DMD: variants seen among roughly 807,000 people sequenced by gnomAD.
The protein encoded by DMD is mutant dystrophin.
Under a neutral mutation model 330.1 loss-of-function variants are expected in DMD, and 63 were observed. That is an observed-to-expected ratio of 0.19 (90% CI 0.16 to 0.24). DMD has a LOEUF of 0.24. Ranked by LOEUF, DMD falls within the 10% of genes least tolerant of loss-of-function variation. DMD has a pLI of 1.00. For missense variants in DMD, 3,344 were observed against 2,684.1 expected, an observed-to-expected ratio of 1.25 and a Z score of -5.43; for synonymous variants, 1,223 against 959.8, an observed-to-expected ratio of 1.27 and a Z score of -5.07.
intron 63 of DMD, among the ~76,000 whole-genome samples, chrX:31,229,687 A>C (rs764894431): frequency 3.6e-5 from 4 of 112,082 alleles, no homozygotes; most frequent in Non-Finnish European, 7.5e-5. Flanking sequence ...TACAATACGC[A>C]TTGAACTACT....
chrX:32,398,040 A>T (rs971186487), intron 30 of DMD, among the ~76,000 whole-genome samples: 1 of 111,228 alleles, frequency 9.0e-6, no homozygotes, highest in Non-Finnish European at 1.9e-5. Context: ...TGCTATTTTC[A>T]AGAAAGGGAA....
intron 7 of DMD, among the ~76,000 whole-genome samples, chrX:32,731,064 C>T (rs995186500): frequency 2.2e-4 from 24 of 111,282 alleles, no homozygotes; most frequent in African/African-American, 5.9e-4. Flanking sequence ...GCACCGTGCG[C>T]GACCCGAAGC....
At chrX:32,397,308 A>T (rs1445661158) in intron 30 of DMD, among the ~76,000 whole-genome samples, 1 of 111,639 alleles carries the variant, frequency 9.0e-6, no homozygotes, top group Admixed American at 9.5e-5. Flanking sequence ...ATTCTTGTGA[A>T]ATTATCAGCC....
chrX:33,125,665 C>G (rs1227295374), intron 1 of DMD, among the ~76,000 whole-genome samples: 1 of 111,471 alleles, frequency 9.0e-6, no homozygotes, highest in African/African-American at 3.3e-5. Context: ...TAAAGACGTT[C>G]TAATTTTTTA....
intron 60 of DMD, among the ~76,000 whole-genome samples, chrX:31,406,479 A>G (rs1411282628): frequency 1.8e-5 from 2 of 111,612 alleles, no homozygotes; most frequent in Non-Finnish European, 3.8e-5. Context: ...GGAAGGCTCC[A>G]TGATACAGCA....
At chrX:32,629,805 A>G (rs1170455543) in intron 11 of DMD, among the ~76,000 whole-genome samples, 1 of 110,474 alleles carries the variant, frequency 9.1e-6, no homozygotes, top group Non-Finnish European at 1.9e-5. Context: ...AAACTAAAAA[A>G]AAAAAAAATG....
At chrX:32,878,977 T>C (rs2083619187) in intron 2 of DMD, among the ~76,000 whole-genome samples, 1 of 97,573 alleles carries the variant, frequency 1.0e-5, no homozygotes, top group African/African-American at 3.8e-5. Context: ...CACTGCACTC[T>C]AGCCTAGGCG....
intron 9 of DMD, among the ~76,000 whole-genome samples, chrX:32,656,439 AT>A (rs1320106782): frequency 8.9e-6 from 1 of 111,996 alleles, no homozygotes; most frequent in African/African-American, 3.2e-5. Context: ...AAACAAACTC[AT>A]TTTTTAGTTC....
At chrX:31,168,480 C>T (rs901559200) in intron 74 of DMD, among the ~76,000 whole-genome samples, 2 of 111,312 alleles carry the variant, frequency 1.8e-5, no homozygotes, top group Admixed American at 9.6e-5. Flanking sequence ...CTAGAAGGCT[C>T]GCAGTGGCAG....
chrX:32,384,929 T>A (rs1473845476), intron 33 of DMD, among the ~76,000 whole-genome samples: 1 of 111,483 alleles, frequency 9.0e-6, no homozygotes, highest in Admixed American at 9.6e-5. Context: ...TGGAAAGATA[T>A]CCCATATTCA....
intron 9 of DMD, among the ~76,000 whole-genome samples, chrX:32,692,340 T>G (rs2063338549): frequency 8.9e-6 from 1 of 112,009 alleles, no homozygotes; most frequent in African/African-American, 3.2e-5. Flanking sequence ...CTGGGTAATT[T>G]GTTCAGTCAC....
chrX:33,203,230 A>G (rs2051379507), intron 1 of DMD, among the ~76,000 whole-genome samples: 1 of 112,053 alleles, frequency 8.9e-6, no homozygotes, highest in Admixed American at 9.5e-5. Context: ...ATAACTATGC[A>G]ATTCTGTATT....
chrX:31,660,465 A>AG (rs1296315051), intron 53 of DMD, among the ~76,000 whole-genome samples: 1 of 112,169 alleles, frequency 8.9e-6, no homozygotes, highest in Non-Finnish European at 1.9e-5. Context: ...AAGAACATGT[A>AG]ATTGGCCCTT....
chrX:33,133,005 A>T (rs1192625745), intron 1 of DMD, among the ~76,000 whole-genome samples: 1 of 112,106 alleles, frequency 8.9e-6, no homozygotes, highest in Non-Finnish European at 1.9e-5. Flanking sequence ...AAATTAAATC[A>T]AATGATGCAT....
At chrX:32,868,402 G>C (rs902935677) in intron 2 of DMD, among the ~76,000 whole-genome samples, 11 of 111,368 alleles carry the variant, frequency 9.9e-5, no homozygotes, top group African/African-American at 3.6e-4. Flanking sequence ...GCTCTCCCGG[G>C]GAGGGGCGGC....
intron 63 of DMD, among the ~76,000 whole-genome samples, chrX:31,224,666 T>G (rs985720260): frequency 2.7e-5 from 3 of 111,848 alleles, no homozygotes; most frequent in African/African-American, 9.8e-5. Flanking sequence ...AAAAAAAATG[T>G]ATGTCCACAA....
chrX:32,726,760 TAC>T lies in DMD; in HGVS notation c.650-27469_650-27468del, dbSNP rs1213566834. On this transcript the variant is annotated intron_variant, in intron 7 of 78. Transcript: ENST00000357033. ...TTTATGGGGTCCAACACAATGTTTC[TAC>T]ACACAGACATTGGATGTGCTAATTA... Among the ~76,000 whole-genome samples, 7 of 111,023 alleles carry T rather than the reference TAC, an allele frequency of 6.3e-5. No individual in the cohort carries two copies. The South Asian group carries it at 1.5e-3, about 24-fold the overall frequency.
chrX:31,984,709 C>T (rs1327466752), intron 44 of DMD, among the ~76,000 whole-genome samples: 1 of 112,126 alleles, frequency 8.9e-6, no homozygotes, highest in Non-Finnish European at 1.9e-5. Context: ...TTATGTAATT[C>T]AAGTTATGTA....
At chrX:32,333,148 C>A (rs1268217986) in intron 41 of DMD, among the ~76,000 whole-genome samples, 1 of 111,735 alleles carries the variant, frequency 8.9e-6, no homozygotes, top group Non-Finnish European at 1.9e-5. Flanking sequence ...CACTTTCATA[C>A]ACGGTAAATG....
Sources: gnomAD v4.1 joint callset for allele counts (sites outside exome capture counted in the v4.1 genomes callset) on GRCh38, gnomAD v4.1.1 for gene constraint, MANE v1.5 for transcripts, NCBI Gene and HGNC (gene_info 2026-07-23, HGNC 2026-07-21) for gene names.